The following KDM6B variants were observed in gnomAD, a reference collection of about 807,000 sequenced individuals.
KDM6B encodes lysine-specific demethylase 6B.
In KDM6B, 22 loss-of-function variants were observed where a neutral mutation model predicts 150.4. That is an observed-to-expected ratio of 0.15 (90% CI 0.10 to 0.21). The LOEUF (loss-of-function observed/expected upper bound fraction) is 0.21. Ranked by LOEUF, KDM6B falls within the 10% of genes least tolerant of loss-of-function variation. The pLI, the probability that KDM6B is intolerant of heterozygous loss-of-function variation, is 1.00. For synonymous variants in KDM6B, 1,148 were observed against 921.1 expected, an observed-to-expected ratio of 1.25 and a Z score of -4.46; for missense variants, 1,984 against 2,234.3, an observed-to-expected ratio of 0.89 and a Z score of 2.26.
At chr17:7,842,222 G>A (rs1321122181) in intron 2 of KDM6B, among the ~76,000 whole-genome samples, 1 of 152,220 alleles carries the variant, frequency 6.6e-6, no homozygotes, top group Non-Finnish European at 1.5e-5. Context: ...CTCCAGCGGG[G>A]GCGGGGGGTA....
Position 7,851,005 on chromosome 17 carries a change from C to T in KDM6B, c.3674-16C>T, listed in dbSNP as rs375096384. On this transcript the variant is annotated splice_polypyrimidine_tract_variant and intron_variant, in intron 14 of 23. Transcript: ENST00000448097. ...TCTGCCTCTGCCCCGACACCCTGCT[C>T]GGCCCTCCCTTCCAGACTTGGGCCT... 88 of 1,584,488 alleles carry T rather than the reference C, an allele frequency of 5.6e-5. 2 individuals are homozygous for T. The African/African-American group carries it at 7.3e-4, about 13-fold the overall frequency.
At chr17:7,837,886 G>A (rs1161210988) in intron 1 of KDM6B, among the ~76,000 whole-genome samples, 1 of 151,992 alleles carries the variant, frequency 6.6e-6, no homozygotes, top group Non-Finnish European at 1.5e-5. Flanking sequence ...AAGGGGTAGT[G>A]GATAGTTTGT....
chr17:7,844,420 C>CGGCG lies in KDM6B; in HGVS notation c.-268-480_-268-477dup, dbSNP rs1316724007. 2 of 152,312 alleles carry CGGCG rather than the reference C, an allele frequency of 1.3e-5. No individual in the cohort carries two copies. The highest frequency in any genetic ancestry group is 2.9e-5 in the Non-Finnish European group (2 of 68,206). 9.4% of individuals were successfully genotyped at this position (152,312 alleles called of 1,614,324 possible). The stretch of plus-strand genomic sequence containing the variant: ...GGCGTTGGGGGTGGAGCGCCGATAG[C>CGGCG]GGCGCGGACGGGTTTGGGTGCCGTG... On this transcript the variant is annotated intron_variant, in intron 2 of 23. Coordinates refer to ENST00000448097, the MANE Select transcript of KDM6B (RefSeq NM_001348716.2). The surrounding 1 kb of genome is among the most constrained non-coding windows in gnomAD (Gnocchi z 5.9).
In KDM6B at chr17:7,850,116, C is replaced by T; in HGVS notation, c.3612C>T (p.Phe1204=). The part of the protein sequence containing the change: ...RDAFSPVLLQ[F]CTDPRNPITV... ...CCTTCTCACCTGTCCTGCTGCAGTT[C>T]TGTACAGACCCTCGAAATCCCATCA... The change falls in exon 14 of 24, where the codon TTC becomes TTT. Residue 1204 remains phenylalanine, a synonymous_variant. Transcript: ENST00000448097. 1 of 1,613,924 alleles carries T rather than the reference C, an allele frequency of 6.2e-7. No individual in the cohort carries two copies.
At chr17:7,842,218 C>G (rs2078431048) in intron 2 of KDM6B, among the ~76,000 whole-genome samples, 1 of 138,298 alleles carries the variant, frequency 7.2e-6, no homozygotes, top group African/African-American at 2.7e-5. Flanking sequence ...GGGGCTCCAG[C>G]GGGGGCGGGG....
rs138692830 is a variant in KDM6B at position 7,839,191 on chromosome 17, G to A, written c.-387-715G>A. On this transcript the variant is annotated intron_variant, in intron 1 of 23. Coordinates refer to ENST00000448097, the MANE Select transcript of KDM6B (RefSeq NM_001348716.2). The stretch of plus-strand genomic sequence containing the variant: ...TCTTGGCCTTGGACTTATGCTAAAA[G>A]ACCTAGCTTCTTGTCTATGAGGGTT... Among the ~76,000 whole-genome samples, 29 of 152,304 alleles carry A rather than the reference G, an allele frequency of 1.9e-4. 1 individual carries two copies. The East Asian group carries it at 5.2e-3, about 27-fold the overall frequency.
At position 7,853,090 on chromosome 17, in the gene KDM6B, C is replaced by T; in HGVS notation, c.4701C>T (p.Val1567=). 6.2e-7 allele frequency: 1 copy of T among 1,614,124 alleles called. No homozygotes were observed. Among genetic ancestry groups the T allele is most frequent in the Non-Finnish European group, 8.5e-7 (1 of 1,180,038 alleles). Reference sequence around the variant, plus strand: ...AGAAAATCGCTTACCAGGGCCGTGTCAAGGACGAGCCAGCCTACTACTGCA... The same window carrying T: ...AGAAAATCGCTTACCAGGGCCGTGTTAAGGACGAGCCAGCCTACTACTGCA... The part of the protein sequence containing the change: ...AGKKIAYQGR[V]KDEPAYYCNE... The change falls in exon 22 of 24, where the codon GTC becomes GTT. Residue 1567 remains valine (V), a synonymous_variant. Transcript: ENST00000448097.
rs1171154632 is a variant in KDM6B, at chr17:7,847,089, T to C, written c.910-16T>C. 2 of 1,612,158 alleles carry C rather than the reference T, an allele frequency of 1.2e-6. No individual in the cohort carries two copies. Among genetic ancestry groups the C allele is most frequent in the Admixed American group, 1.7e-5 (1 of 60,014 alleles). Reference sequence around the variant, plus strand: ...CTCTCTATTCCTCATCCTGCATCCCTGTTTATCTCCTATAGGAGCAGCGGC... The same window carrying C: ...CTCTCTATTCCTCATCCTGCATCCCCGTTTATCTCCTATAGGAGCAGCGGC... On this transcript the variant is annotated splice_polypyrimidine_tract_variant and intron_variant, in intron 10 of 23. Coordinates refer to ENST00000448097, the MANE Select transcript of KDM6B (RefSeq NM_001348716.2).
rs920024907 is a variant in KDM6B, at chr17:7,844,148, G to A, written c.-268-753G>A. On this transcript the variant is annotated intron_variant, in intron 2 of 23. Coordinates refer to ENST00000448097, the MANE Select transcript of KDM6B (RefSeq NM_001348716.2). The surrounding 1 kb of genome is among the most constrained non-coding windows in gnomAD (Gnocchi z 5.9). ...CCCCCGAAATCCCCCCTCCCTTGGG[G>A]GGCGGGGGCCACGTGGGCCGTGGGG... The A allele has an allele frequency of 2.6e-5, 4 of 152,076 alleles. No homozygotes were observed. The East Asian group carries it at 7.8e-4, about 30-fold the overall frequency. The allele number at this position is 152,076 out of a possible 1,614,324, so 9.4% of individuals were successfully genotyped here.
chr17:7,845,740 G>C, intron 5 of KDM6B, 49 bp downstream of exon 5: 1 of 1,613,114 alleles, frequency 6.2e-7, no homozygotes, highest in Non-Finnish European at 8.5e-7. Context: ...TTCCATCTCT[G>C]TATCCCTCAA....
chr17:7,839,384 C>T (rs1480648272), intron 1 of KDM6B, among the ~76,000 whole-genome samples: 4 of 152,086 alleles, frequency 2.6e-5, no homozygotes, highest in African/African-American at 7.2e-5. Flanking sequence ...TGGCCCCTCC[C>T]TGTTGGGCCC....
At chr17:7,853,421 T>C (rs1324717016) in intron 23 of KDM6B, 41 bp downstream of exon 23, 1 of 1,531,708 alleles carries the variant, frequency 6.5e-7, no homozygotes, top group East Asian at 2.5e-5. Context: ...AGGAGGGCAC[T>C]GGGGCAGGCT....
In KDM6B at chr17:7,853,612, C is replaced by A; in HGVS notation, c.*91C>A. ...GCTGGACCTAGGTCCCGCCTGTGGC[C>A]GAGAAGGGGGTCGGGCCCAGCCCTT... On this transcript the variant is annotated 3_prime_UTR_variant, in exon 24 of 24. Transcript: ENST00000448097. The A allele has an allele frequency of 2.0e-6, 2 of 1,016,440 alleles. No individual in the cohort carries two copies. Among genetic ancestry groups the A allele is most frequent in the Non-Finnish European group, 2.6e-6 (2 of 771,430 alleles). 63.0% of individuals were successfully genotyped at this position (1,016,440 alleles called of 1,614,324 possible).
chr17:7,851,565 G>A lies in KDM6B; in HGVS notation c.4016+16G>A. On this transcript the variant is annotated intron_variant, in intron 17 of 23. Transcript: ENST00000448097. ...ATGCTAAGCGGTCAGTGGGGCTGAGGCCAGGGAAGTTGGGGCAGGAGTGCT... is the reference window on the plus strand; with the variant it reads ...ATGCTAAGCGGTCAGTGGGGCTGAGACCAGGGAAGTTGGGGCAGGAGTGCT... The A allele has an allele frequency of 6.2e-7, 1 of 1,613,450 alleles. No homozygotes were observed. The highest frequency in any genetic ancestry group is 8.5e-7 in the Non-Finnish European group (1 of 1,179,764).
chr17:7,846,859 T>TATCACC lies in KDM6B; in HGVS notation c.753_754insTCACCA (p.Leu251_Pro252insSerPro). 3 of 1,214,734 alleles carry TATCACC rather than the reference T, an allele frequency of 2.5e-6. No individual in the cohort carries two copies. The highest frequency in any genetic ancestry group is 3.4e-6 in the Non-Finnish European group (3 of 870,084). The allele number at this position is 1,214,734 out of a possible 1,614,324, so 75.2% of individuals were successfully genotyped here. A position where few individuals can be genotyped will look rare whatever the true frequency, so the allele number is the denominator to read the frequency against. ...GGGCTGCCACTGCCTCCACCACCAT[T>TATCACC]ACCACCACCACCACCACCACCACCA... On this transcript the variant is annotated inframe_insertion, in exon 10 of 24. Transcript: ENST00000448097.
Position 7,848,274 on chromosome 17 carries a change from G to C in KDM6B, c.1986G>C (p.Glu662Asp), listed in dbSNP as rs747564534. 3.7e-6 allele frequency: 6 copies of C among 1,612,076 alleles called. No homozygotes were observed. Among genetic ancestry groups the C allele is most frequent in the Non-Finnish European group, 4.2e-6 (5 of 1,179,734 alleles). Reference protein sequence around the residue: ...APQPVPPGVGELPARGPRLFD... With the variant: ...APQPVPPGVGDLPARGPRLFD... The stretch of plus-strand genomic sequence containing the variant: ...AGCCTGTGCCGCCCGGGGTTGGGGA[G>C]CTGCCTGCCCGAGGCCCTCGACTCT... The change falls in exon 12 of 24, where the codon GAG becomes GAC. Residue 662 changes from glutamate to aspartate, a missense_variant. Around this residue, in one of 13 missense-constraint regions of KDM6B, gnomAD observed 1,379 missense variants for 1,275.6 expected, o/e 1.08. Coordinates refer to ENST00000448097, the MANE Select transcript of KDM6B (RefSeq NM_001348716.2).
rs779613443 is a variant in KDM6B, at chr17:7,853,204, C to G, written c.4738-6C>G. 3.1e-6 allele frequency: 5 copies of G among 1,613,372 alleles called. No individual in the cohort carries two copies. In the Admixed American group the frequency reaches 6.7e-5, roughly 22 times the overall value. On this transcript the variant is annotated splice_region_variant and splice_polypyrimidine_tract_variant and intron_variant, in intron 22 of 23. Transcript: ENST00000448097. ...CCCCCTGACTGCACTGTCCTCCCTG[C>G]CCCAGGTGGAGGTGTTTAACATCCT...
At position 7,846,214 on chromosome 17, in the gene KDM6B, G is replaced by A. The variant is rs762209247; in HGVS notation, c.373G>A (p.Glu125Lys). 6.2e-7 allele frequency: 1 copy of A among 1,614,162 alleles called. No homozygotes were observed. The highest frequency in any genetic ancestry group is 1.1e-5 in the South Asian group (1 of 91,078). Residue 125 changes from glutamate (E) to lysine (K), a missense_variant, in exon 7 of 24, where the codon GAG becomes AAG. Around this residue, in one of 13 missense-constraint regions of KDM6B, gnomAD observed 337 missense variants for 323.9 expected, o/e 1.04. Coordinates refer to ENST00000448097, the MANE Select transcript of KDM6B (RefSeq NM_001348716.2). ...QLYESEHDSE[E>K]ATRCYHSALR... ...GTACGAGTCAGAGCACGATAGTGAG[G>A]AGGCCACACGCTGCTACCACAGCGC... is the stretch of plus-strand genomic sequence containing the variant.
intron 1 of KDM6B, among the ~76,000 whole-genome samples, chr17:7,835,461 AG>A (rs34955431): frequency 1.3e-5 from 2 of 151,628 alleles, no homozygotes; most frequent in Non-Finnish European, 2.9e-5. Flanking sequence ...GGTTGTCCGG[AG>A]GGGGTTAGGG....
Sources: allele counts gnomAD v4.1 joint callset (sites outside exome capture counted in the v4.1 genomes callset), GRCh38; gene constraint gnomAD v4.1.1; regional missense constraint gnomAD v4.1.1; non-coding constraint Gnocchi (gnomAD v3.1); transcripts MANE v1.5; gene names NCBI Gene and HGNC (gene_info 2026-07-23, HGNC 2026-07-21).